The following UTP11 variants were observed in gnomAD, a reference collection of about 807,000 sequenced individuals.
The protein encoded by UTP11 is UTP11 small subunit processome component, also known as probable U3 small nucleolar RNA-associated protein 11.
In UTP11, 29 loss-of-function variants were observed where a neutral mutation model predicts 39.0. That is an observed-to-expected ratio of 0.74 (90% confidence interval 0.55 to 1.01). The LOEUF (loss-of-function observed/expected upper bound fraction) is 1.01. UTP11 is among the 50% of genes least tolerant of loss of function. The pLI is 0.00. For synonymous variants in UTP11, 111 were observed against 105.0 expected, an observed-to-expected ratio of 1.06 and a Z score of -0.35; for missense variants, 281 against 306.0, an observed-to-expected ratio of 0.92 and a Z score of 0.61.
rs1292793551 is a variant in UTP11 at position 38,019,170 on chromosome 1, GT to G, written c.436+21del. The G allele has an allele frequency of 1.2e-6, 2 of 1,613,920 alleles. No homozygotes were observed. The highest frequency in any genetic ancestry group is 3.3e-5 in the Admixed American group (2 of 59,984). Reference sequence around the variant, plus strand: ...AAAGGAAGGTATGAAATGTTTGAAGGTTTCTGGGACAGTCTACCATGCCAGT... The same window carrying G: ...AAAGGAAGGTATGAAATGTTTGAAGGTTCTGGGACAGTCTACCATGCCAGT... On this transcript the variant is annotated intron_variant, in intron 5 of 7. Coordinates refer to ENST00000373014, the MANE Select transcript of UTP11 (RefSeq NM_016037.4).
chr1:38,020,747 T>G (rs1646731763), intron 6 of UTP11, among the ~76,000 whole-genome samples: 1 of 152,238 alleles, frequency 6.6e-6, no homozygotes, highest in Admixed American at 6.5e-5. Flanking sequence ...TCTGACAGTC[T>G]GTGCAATAAA....
intron 1 of UTP11, among the ~76,000 whole-genome samples, chr1:38,015,852 C>G (rs1274668944): frequency 6.6e-6 from 1 of 152,188 alleles, no homozygotes; most frequent in Non-Finnish European, 1.5e-5. Context: ...CCCGGAGAAG[C>G]AGGTACTATT....
Position 38,019,383 on chromosome 1 carries a change from G to A in UTP11, c.567G>A (p.Lys189=), listed in dbSNP as rs1377208251. 1.2e-6 allele frequency: 2 copies of A among 1,610,454 alleles called. No individual in the cohort carries two copies. The highest frequency in any genetic ancestry group is 2.2e-5 in the South Asian group (2 of 90,670). Residue 189 remains lysine (K), a splice_region_variant and synonymous_variant, in exon 6 of 8, where the codon AAG becomes AAA. Coordinates refer to ENST00000373014, the MANE Select transcript of UTP11 (RefSeq NM_016037.4). ...GAGTTACCAATCAGACTGGACTTAA[G>A]GTAATTTTCTCTGTTGTTCTTCACA... The part of the protein sequence containing the change: ...VKGVTNQTGL[K]RIAKERQKQY...
intron 2 of UTP11, 53 bp downstream of exon 2, chr1:38,016,473 T>A: frequency 6.3e-7 from 1 of 1,587,922 alleles, no homozygotes; most frequent in Non-Finnish European, 8.6e-7. Context: ...ACAACCTCCT[T>A]GCACTGCAGC....
In UTP11 at chr1:38,019,135, T is replaced by C; in HGVS notation, c.419T>C (p.Phe140Ser). Residue 140 changes from phenylalanine (F) to serine (S), a missense_variant, in exon 5 of 8, where the codon TTT becomes TCT. Transcript: ENST00000373014. ...GKQQNKHVFF[F>S]DTKKEVEQFD... ...CAACAGAACAAGCATGTGTTCTTTTTTGACACCAAAAAGGAAGGTATGAAA... is the reference window on the plus strand; with the variant it reads ...CAACAGAACAAGCATGTGTTCTTTTCTGACACCAAAAAGGAAGGTATGAAA... 6.2e-7 allele frequency: 1 copy of C among 1,614,088 alleles called. No homozygotes were observed. Among genetic ancestry groups the C allele is most frequent in the Non-Finnish European group, 8.5e-7 (1 of 1,180,002 alleles).
At chr1:38,019,029 T>G in intron 4 of UTP11, 30 bp from the exon 5 acceptor site, 1 of 1,520,284 alleles carries the variant, frequency 6.6e-7, no homozygotes, top group Non-Finnish European at 9.0e-7. Context: ...AAGAATCTAA[T>G]ATAAAGTGAG....
chr1:38,019,379 T>C lies in UTP11; in HGVS notation c.563T>C (p.Leu188Pro). The change falls in exon 6 of 8, where the codon CTT becomes CCT. Residue 188 changes from leucine (L) to proline (P), a missense_variant. Physicochemically the swap from Leu to Pro is moderately conservative, Grantham distance 98 (BLOSUM62 -3). Coordinates refer to ENST00000373014, the MANE Select transcript of UTP11 (RefSeq NM_016037.4). ...KVKGVTNQTGLKRIAKERQKQ... is the reference protein window; with the variant it reads ...KVKGVTNQTGPKRIAKERQKQ... ...AAAGGAGTTACCAATCAGACTGGAC[T>C]TAAGGTAATTTTCTCTGTTGTTCTT... 6.2e-7 allele frequency: 1 copy of C among 1,611,620 alleles called. No homozygotes were observed. The highest frequency in any genetic ancestry group is 8.5e-7 in the Non-Finnish European group (1 of 1,178,712).
intron 6 of UTP11, among the ~76,000 whole-genome samples, chr1:38,020,462 T>C (rs1646730214): frequency 6.6e-6 from 1 of 152,190 alleles, no homozygotes; most frequent in South Asian, 2.1e-4. Flanking sequence ...TTCCTTATGG[T>C]GCTTTCCGTC....
chr1:38,022,237 T>A (rs1445132091), intron 6 of UTP11, among the ~76,000 whole-genome samples: 2 of 152,176 alleles, frequency 1.3e-5, no homozygotes, highest in Non-Finnish European at 2.9e-5. Context: ...TTCCTGGGAT[T>A]TGTGAGAGGG....
chr1:38,019,037 G>A (rs1342178312), intron 4 of UTP11, 22 bp from the exon 5 acceptor site: 2 of 1,530,052 alleles, frequency 1.3e-6, no homozygotes, highest in African/African-American at 2.8e-5. Flanking sequence ...AATATAAAGT[G>A]AGACCATATT....
At chr1:38,018,172 G>A in intron 3 of UTP11, among the ~76,000 whole-genome samples, 1 of 152,056 alleles carries the variant, frequency 6.6e-6, no homozygotes, top group East Asian at 1.9e-4. Context: ...CCGGGTTCAA[G>A]TGATTCTCGT....
intron 6 of UTP11, among the ~76,000 whole-genome samples, chr1:38,019,895 C>T (rs916987227): frequency 2.0e-5 from 3 of 152,068 alleles, no homozygotes; most frequent in Admixed American, 1.3e-4. Flanking sequence ...TTTCTATGAT[C>T]GGAGGAGGTA....
intron 1 of UTP11, 122 bp from the exon 2 acceptor site, chr1:38,016,237 A>G: frequency 1.0e-6 from 1 of 964,262 alleles, no homozygotes; most frequent in Non-Finnish European, 1.6e-6. Context: ...GTCATGGGTT[A>G]GCTCCAAGGA....
At position 38,023,630 on chromosome 1, in the gene UTP11, G is replaced by A. The variant is rs780928977; in HGVS notation, c.*2G>A. 13 of 1,608,552 alleles carry A rather than the reference G, an allele frequency of 8.1e-6. No individual in the cohort carries two copies. The East Asian group carries it at 8.9e-5, about 11-fold the overall frequency. ...TTTCAGAGTCGTCGAAAACGTTGAC[G>A]TGTTATAGATAAGCCTTGTCATTCT... is the stretch of plus-strand genomic sequence containing the variant. On this transcript the variant is annotated 3_prime_UTR_variant, in exon 8 of 8. Coordinates refer to ENST00000373014, the MANE Select transcript of UTP11 (RefSeq NM_016037.4).
intron 7 of UTP11, 25 bp from the exon 8 acceptor site, chr1:38,023,520 T>G (rs771254856): frequency 1.3e-6 from 2 of 1,594,182 alleles, no homozygotes; most frequent in Non-Finnish European, 1.7e-6. Context: ...TTCTCTTTAC[T>G]GATCACCTTT....
At chr1:38,012,949 G>C in intron 1 of UTP11, 84 bp downstream of exon 1, 1 of 1,547,672 alleles carries the variant, frequency 6.5e-7, no homozygotes, top group Non-Finnish European at 8.9e-7. Context: ...CGTGGGATCC[G>C]GGTCCAAACT....
chr1:38,016,911 A>G (rs1646710163), intron 2 of UTP11: 1 of 160,636 alleles, frequency 6.2e-6, no homozygotes, highest in African/African-American at 2.4e-5. Context: ...CTCTGTTAGC[A>G]CTTTGTTTGC....
At chr1:38,021,306 A>G (rs1384311610) in intron 6 of UTP11, among the ~76,000 whole-genome samples, 2 of 152,222 alleles carry the variant, frequency 1.3e-5, no homozygotes, top group Admixed American at 1.3e-4. Context: ...CCAAATTCCC[A>G]TGTAGAATAG....
At chr1:38,017,483 G>T in intron 2 of UTP11, 185 bp from the exon 3 acceptor site, 1 of 451,534 alleles carries the variant, frequency 2.2e-6, no homozygotes, top group Middle Eastern at 6.0e-4. Context: ...TGGACCCTGC[G>T]AAGACATGAG....
Sources: gnomAD v4.1 joint callset for allele counts (sites outside exome capture counted in the v4.1 genomes callset) on GRCh38, gnomAD v4.1.1 for gene constraint, MANE v1.5 for transcripts, NCBI Gene and HGNC (gene_info 2026-07-23, HGNC 2026-07-21) for gene names.